The following AGBL1 variants were observed in gnomAD, a reference collection of about 807,000 sequenced individuals.
The protein encoded by AGBL1 is cytosolic carboxypeptidase 4.
Under a neutral mutation model 118.9 loss-of-function variants are expected in AGBL1, and 130 were observed. The observed-to-expected ratio is 1.09, with a 90% CI of 0.95 to 1.26. The LOEUF (loss-of-function observed/expected upper bound fraction) is 1.26. Among genes scored for constraint, AGBL1 ranks in the 50% most tolerant of loss-of-function variants. The pLI is 0.00. For synonymous variants in AGBL1, 555 were observed against 478.9 expected (o/e 1.16, Z -2.08); for missense variants, 1,584 against 1,298.1 (o/e 1.22, Z -3.38).
intron 20 of AGBL1, among the ~76,000 whole-genome samples, chr15:86,550,965 A>G (rs116456597): frequency 0.013 from 1,966 of 152,132 alleles, 49 homozygotes; most frequent in African/African-American, 0.044. Flanking sequence ...AAATTAAACA[A>G]TTTGTATCAA....
chr15:86,993,157 T>C (rs985450275), intron 24 of AGBL1, among the ~76,000 whole-genome samples: 3 of 152,216 alleles, frequency 2.0e-5, no homozygotes, highest in African/African-American at 7.2e-5. Context: ...AAAAGGAAAG[T>C]ATAATAAACT....
chr15:86,181,713 T>C (rs912821885), intron 5 of AGBL1, among the ~76,000 whole-genome samples: 2 of 151,966 alleles, frequency 1.3e-5, no homozygotes, highest in Admixed American at 1.3e-4. Context: ...ACTAAAAAAG[T>C]TCACTTTATA....
intron 18 of AGBL1, among the ~76,000 whole-genome samples, chr15:86,405,357 C>CA (rs5814240): frequency 0.24 from 35,811 of 150,570 alleles, 4,813 homozygotes; most frequent in East Asian, 0.57. Flanking sequence ...TAAAAAATAC[C>CA]AAAAAAAAAT....
At chr15:86,255,519 T>C (rs2078880657) in intron 7 of AGBL1, among the ~76,000 whole-genome samples, 1 of 152,210 alleles carries the variant, frequency 6.6e-6, no homozygotes, top group African/African-American at 2.4e-5. Flanking sequence ...TGGTAGCTCA[T>C]GCCTGTAATC....
intron 5 of AGBL1, among the ~76,000 whole-genome samples, chr15:86,166,425 A>G (rs1314933584): frequency 6.6e-6 from 1 of 152,202 alleles, no homozygotes; most frequent in Admixed American, 6.5e-5. Context: ...AAGCCCACAG[A>G]GCTGAGCAGA....
At chr15:86,927,948 A>ATAT (rs397816459) in intron 23 of AGBL1, among the ~76,000 whole-genome samples, 1 of 151,658 alleles carries the variant, frequency 6.6e-6, no homozygotes, top group Non-Finnish European at 1.5e-5. Context: ...ATATATATAT[A>ATAT]AAATGTGTGT....
At chr15:86,317,630 T>C (rs1193584289) in intron 17 of AGBL1, among the ~76,000 whole-genome samples, 1 of 152,120 alleles carries the variant, frequency 6.6e-6, no homozygotes, top group Non-Finnish European at 1.5e-5. Flanking sequence ...GGGAGGAGGA[T>C]TGAGTCGATA....
At chr15:87,025,901 G>A (rs777225107) in intron 24 of AGBL1, among the ~76,000 whole-genome samples, 14 of 151,872 alleles carry the variant, frequency 9.2e-5, no homozygotes, top group Admixed American at 2.0e-4. Context: ...AAAACATAGA[G>A]TGGGGAAAGG....
chr15:86,777,446 T>A (rs1443777701), intron 22 of AGBL1, among the ~76,000 whole-genome samples: 1 of 151,926 alleles, frequency 6.6e-6, no homozygotes, highest in Non-Finnish European at 1.5e-5. Flanking sequence ...CCCTTTACAA[T>A]ATCATCTTAG....
intron 21 of AGBL1, among the ~76,000 whole-genome samples, chr15:86,640,572 T>C (rs2085174019): frequency 6.6e-6 from 1 of 152,274 alleles, no homozygotes; most frequent in South Asian, 2.1e-4. Flanking sequence ...AACTATTATT[T>C]TGTTGGTAAA....
At chr15:86,815,576 T>C (rs140357472) in intron 22 of AGBL1, among the ~76,000 whole-genome samples, 1,860 of 152,272 alleles carry the variant, frequency 0.012, 26 homozygotes, top group Middle Eastern at 0.061. Context: ...GTTATTGAAG[T>C]AGCACACTGC....
At chr15:86,183,449 A>G (rs551210487) in intron 5 of AGBL1, among the ~76,000 whole-genome samples, 6 of 152,360 alleles carry the variant, frequency 3.9e-5, no homozygotes, top group South Asian at 2.1e-4. Context: ...AATAGTGGGT[A>G]GAAAAGCTCA....
At chr15:86,333,229 G>T (rs912134788) in intron 17 of AGBL1, among the ~76,000 whole-genome samples, 1 of 152,062 alleles carries the variant, frequency 6.6e-6, no homozygotes, top group African/African-American at 2.4e-5. Flanking sequence ...TCCATACAAA[G>T]AATTGATGAA....
intron 3 of AGBL1, among the ~76,000 whole-genome samples, chr15:86,153,297 G>A (rs886407021): frequency 2.6e-5 from 4 of 152,192 alleles, no homozygotes; most frequent in Non-Finnish European, 4.4e-5. Flanking sequence ...TTAAGAAAAT[G>A]TGGCACATAT....
intron 21 of AGBL1, among the ~76,000 whole-genome samples, chr15:86,592,286 C>T (rs2084347912): frequency 6.6e-6 from 1 of 152,188 alleles, no homozygotes; most frequent in South Asian, 2.1e-4. Context: ...AAACTCGATT[C>T]TTGCCTCCTC....
intron 5 of AGBL1, among the ~76,000 whole-genome samples, chr15:86,161,406 C>T (rs1196151090): frequency 2.0e-5 from 3 of 152,044 alleles, no homozygotes; most frequent in African/African-American, 7.2e-5. Context: ...CCAATTTTAC[C>T]GGAAAATAAA....
At chr15:86,472,858 G>A (rs1349182583) in intron 18 of AGBL1, among the ~76,000 whole-genome samples, 1 of 152,180 alleles carries the variant, frequency 6.6e-6, no homozygotes, top group Non-Finnish European at 1.5e-5. Context: ...GGCAAAGGTT[G>A]CAGTGAGCCG....
At chr15:86,670,319 A>G (rs990270866) in intron 21 of AGBL1, among the ~76,000 whole-genome samples, 2 of 151,956 alleles carry the variant, frequency 1.3e-5, no homozygotes, top group African/African-American at 2.4e-5. Context: ...AGTTTAAAAT[A>G]AAGGCCGGGT....
chr15:86,796,681 G>A (rs1257311526), intron 22 of AGBL1, among the ~76,000 whole-genome samples: 1 of 152,122 alleles, frequency 6.6e-6, no homozygotes, highest in Non-Finnish European at 1.5e-5. Flanking sequence ...TCCTCCACTT[G>A]CTTTTGTAAA....
Sources: allele counts gnomAD v4.1 joint callset (sites outside exome capture counted in the v4.1 genomes callset), GRCh38; gene constraint gnomAD v4.1.1; transcripts MANE v1.5; gene names NCBI Gene and HGNC (gene_info 2026-07-23, HGNC 2026-07-21).